The following RBMS1 variants were observed in gnomAD, a reference collection of about 807,000 sequenced individuals.
The protein encoded by RBMS1 is RNA binding motif single stranded interacting protein 1, also known as RNA-binding motif, single-stranded-interacting protein 1.
In RBMS1, 17 loss-of-function variants were observed where a neutral mutation model predicts 62.3. The ratio of observed to expected loss-of-function variants is 0.27; its 90% CI spans 0.19 to 0.41. RBMS1 has a LOEUF of 0.41. RBMS1 is among the 10% of genes least tolerant of loss of function. The probability of loss-of-function intolerance (pLI) is 1.00; values close to 1 mark genes in which losing one functional copy is unlikely to be tolerated. For synonymous variants in RBMS1, 172 were observed against 170.0 expected, an observed-to-expected ratio of 1.01 and a Z score of -0.09; for missense variants, 334 against 504.5, an observed-to-expected ratio of 0.66 and a Z score of 3.24.
At chr2:160,313,104 C>A (rs1690020884) in intron 4 of RBMS1, 52 bp downstream of exon 4, 1 of 1,560,042 alleles carries the variant, frequency 6.4e-7, no homozygotes, top group Non-Finnish European at 8.8e-7. Context: ...ACCTGTCGGG[C>A]TTCACAACCA....
chr2:160,360,228 AAG>A (rs1166225198), intron 2 of RBMS1, among the ~76,000 whole-genome samples: 4 of 152,164 alleles, frequency 2.6e-5, no homozygotes, highest in African/African-American at 7.2e-5. Context: ...TTTTGGGACT[AAG>A]AGAGAACCAC....
At chr2:160,477,487 T>A (rs142905352) in intron 1 of RBMS1, among the ~76,000 whole-genome samples, 44 of 152,248 alleles carry the variant, frequency 2.9e-4, no homozygotes, top group Middle Eastern at 3.4e-3. Flanking sequence ...CTCACTAGCC[T>A]TAAACTCCTG....
intron 1 of RBMS1, among the ~76,000 whole-genome samples, chr2:160,440,334 A>G (rs1683360919): frequency 6.6e-6 from 1 of 152,150 alleles, no homozygotes; most frequent in Admixed American, 6.5e-5. Flanking sequence ...ACAATGCACA[A>G]GAACAATTCT....
At chr2:160,466,654 T>G (rs1443281833) in intron 1 of RBMS1, among the ~76,000 whole-genome samples, 1 of 152,246 alleles carries the variant, frequency 6.6e-6, no homozygotes, top group African/African-American at 2.4e-5. Flanking sequence ...TGCCATCGTT[T>G]GCTGTATCTG....
chr2:160,306,882 A>G (rs1334527823), intron 4 of RBMS1, among the ~76,000 whole-genome samples: 2 of 152,180 alleles, frequency 1.3e-5, no homozygotes, highest in Non-Finnish European at 2.9e-5. Context: ...AGTGACAACC[A>G]TAACTGGTTT....
chr2:160,304,641 C>T (rs1689400512), intron 4 of RBMS1, among the ~76,000 whole-genome samples: 1 of 151,976 alleles, frequency 6.6e-6, no homozygotes. Context: ...GTGTTAGTGT[C>T]TTAGTTTTTT....
chr2:160,420,656 G>A (rs1696389731), intron 1 of RBMS1, among the ~76,000 whole-genome samples: 2 of 152,114 alleles, frequency 1.3e-5, no homozygotes, highest in Non-Finnish European at 2.9e-5. Flanking sequence ...CAGCTCACCT[G>A]AGGATTATGA....
chr2:160,303,090 A>G (rs538685236), intron 5 of RBMS1, among the ~76,000 whole-genome samples: 3 of 152,208 alleles, frequency 2.0e-5, no homozygotes, highest in Non-Finnish European at 4.4e-5. Context: ...ACTTTTGCTC[A>G]TGTGATAGTT....
intron 1 of RBMS1, among the ~76,000 whole-genome samples, chr2:160,455,276 T>A (rs1684171533): frequency 6.6e-6 from 1 of 152,224 alleles, no homozygotes; most frequent in Non-Finnish European, 1.5e-5. Context: ...CAGGCTGTTA[T>A]TTTTGTTTGT....
intron 9 of RBMS1, chr2:160,282,078 C>T: frequency 2.4e-6 from 1 of 416,208 alleles, no homozygotes. Flanking sequence ...AAGAGAAAAA[C>T]ATATCAGCCC....
chr2:160,463,731 G>A (rs1360940726), intron 1 of RBMS1, among the ~76,000 whole-genome samples: 1 of 152,196 alleles, frequency 6.6e-6, no homozygotes, highest in Non-Finnish European at 1.5e-5. Context: ...GTTGCAGTGA[G>A]CTGAGATTGC....
At chr2:160,459,898 T>C (rs1380582197) in intron 1 of RBMS1, among the ~76,000 whole-genome samples, 1 of 152,184 alleles carries the variant, frequency 6.6e-6, no homozygotes, top group Non-Finnish European at 1.5e-5. Flanking sequence ...CACAGGAACT[T>C]CCTCTAAACA....
intron 1 of RBMS1, among the ~76,000 whole-genome samples, chr2:160,396,893 G>T (rs1471167477): frequency 6.6e-6 from 1 of 152,134 alleles, no homozygotes; most frequent in African/African-American, 2.4e-5. Flanking sequence ...CATGCACGTG[G>T]CACTCTCTGA....
chr2:160,342,224 GCT>G (rs1691911050), intron 2 of RBMS1, among the ~76,000 whole-genome samples: 1 of 152,078 alleles, frequency 6.6e-6, no homozygotes, highest in South Asian at 2.1e-4. Context: ...AATCTAAGCA[GCT>G]ATTCACTTGT....
intron 4 of RBMS1, among the ~76,000 whole-genome samples, chr2:160,311,742 A>G (rs948463918): frequency 6.6e-6 from 1 of 151,876 alleles, no homozygotes; most frequent in Non-Finnish European, 1.5e-5. Flanking sequence ...TGCTCTTTTA[A>G]AAAGAATACT....
intron 2 of RBMS1, among the ~76,000 whole-genome samples, chr2:160,329,048 C>A (rs1691107797): frequency 6.6e-6 from 1 of 152,140 alleles, no homozygotes; most frequent in Admixed American, 6.6e-5. Flanking sequence ...AGGCAAGAGT[C>A]AAATTGGACA....
intron 1 of RBMS1, among the ~76,000 whole-genome samples, chr2:160,430,138 C>G (rs1040248544): frequency 2.6e-5 from 4 of 152,262 alleles, no homozygotes; most frequent in African/African-American, 9.6e-5. Context: ...GAGCTCCCAA[C>G]TGCATGCAGC....
chr2:160,406,061 A>C (rs1259782371), intron 1 of RBMS1, among the ~76,000 whole-genome samples: 1 of 152,158 alleles, frequency 6.6e-6, no homozygotes, highest in African/African-American at 2.4e-5. Context: ...TGACTATCTT[A>C]GCATATCCTT....
chr2:160,463,438 G>A (rs1294884867), intron 1 of RBMS1, among the ~76,000 whole-genome samples: 2 of 152,198 alleles, frequency 1.3e-5, no homozygotes, highest in Non-Finnish European at 1.5e-5. Context: ...ATTGTAATCA[G>A]GAGGGTGAGC....
Sources: allele counts gnomAD v4.1 joint callset (sites outside exome capture counted in the v4.1 genomes callset), GRCh38; gene constraint gnomAD v4.1.1; transcripts MANE v1.5; gene names NCBI Gene and HGNC (gene_info 2026-07-23, HGNC 2026-07-21).